The following SHISA9 variants were observed in gnomAD, a reference collection of about 807,000 sequenced individuals.
SHISA9 encodes the protein shisa family member 9.
SHISA9 carries 13 observed loss-of-function variants against 38.0 expected under a neutral mutation model. The ratio of observed to expected loss-of-function variants is 0.34; its 90% CI spans 0.22 to 0.54. The LOEUF is 0.54. SHISA9 is among the 20% of genes least tolerant of loss of function. SHISA9 has a pLI of 0.91. For missense variants in SHISA9, 538 were observed against 575.8 expected, an observed-to-expected ratio of 0.93 and a Z score of 0.67; for synonymous variants, 275 against 242.0, an observed-to-expected ratio of 1.14 and a Z score of -1.27.
At chr16:13,508,007 C>T in the SHISA9 span, among the ~76,000 whole-genome samples, 1 of 152,142 alleles carries the variant, frequency 6.6e-6, no homozygotes, top group Non-Finnish European at 1.5e-5. Context: ...TTTCTGGTTC[C>T]CACTTCTCCA....
At chr16:12,959,068 T>C (rs753951605) in intron 2 of SHISA9, among the ~76,000 whole-genome samples, 12 of 152,200 alleles carry the variant, frequency 7.9e-5, no homozygotes, top group Non-Finnish European at 1.8e-4. Flanking sequence ...AATCTTATAT[T>C]GCAATGGGAA....
intron 2 of SHISA9, among the ~76,000 whole-genome samples, chr16:13,197,217 C>T (rs925741787): frequency 1.8e-4 from 28 of 151,836 alleles, no homozygotes; most frequent in South Asian, 2.1e-4. Context: ...GTCTGGAACA[C>T]GGTGTGTGCT....
the SHISA9 span, among the ~76,000 whole-genome samples, chr16:13,285,987 A>T: frequency 6.6e-6 from 1 of 152,202 alleles, no homozygotes; most frequent in East Asian, 1.9e-4. Flanking sequence ...TAAAGGGAAA[A>T]GTCAAGCTGG....
At chr16:13,379,118 C>G in the SHISA9 span, among the ~76,000 whole-genome samples, 1 of 152,150 alleles carries the variant, frequency 6.6e-6, no homozygotes. Flanking sequence ...TCTCCCACTT[C>G]CCAGCTGGAA....
At chr16:13,292,231 A>G in the SHISA9 span, among the ~76,000 whole-genome samples, 1 of 152,120 alleles carries the variant, frequency 6.6e-6, no homozygotes, top group Non-Finnish European at 1.5e-5. Flanking sequence ...GTCGATTACA[A>G]TTCAAACTAC....
the SHISA9 span, among the ~76,000 whole-genome samples, chr16:13,363,327 G>A: frequency 6.6e-6 from 1 of 152,222 alleles, no homozygotes; most frequent in African/African-American, 2.4e-5. Context: ...GAAGAACTAA[G>A]TCTCCTTCGT....
At chr16:13,515,942 A>G in the SHISA9 span, among the ~76,000 whole-genome samples, 2 of 152,208 alleles carry the variant, frequency 1.3e-5, no homozygotes, top group African/African-American at 4.8e-5. Flanking sequence ...TAAAAACTCT[A>G]TGAGAAGAGA....
At chr16:13,447,435 C>CCATCT in the SHISA9 span, among the ~76,000 whole-genome samples, 1 of 152,160 alleles carries the variant, frequency 6.6e-6, no homozygotes, top group East Asian at 1.9e-4. Context: ...ACATGTTGGC[C>CCATCT]CATCTCTGGC....
At chr16:12,949,135 GT>G (rs1264929257) in intron 2 of SHISA9, among the ~76,000 whole-genome samples, 1 of 152,192 alleles carries the variant, frequency 6.6e-6, no homozygotes, top group African/African-American at 2.4e-5. Flanking sequence ...TATTAAGAAA[GT>G]TCCCTAGGAG....
the SHISA9 span, among the ~76,000 whole-genome samples, chr16:13,397,700 C>T: frequency 0.24 from 36,510 of 152,044 alleles, 5,367 homozygotes; most frequent in African/African-American, 0.41. Context: ...TCCCAAAGTG[C>T]TGGGATTACA....
chr16:13,525,723 T>G, the SHISA9 span, among the ~76,000 whole-genome samples: 1 of 152,266 alleles, frequency 6.6e-6, no homozygotes, highest in African/African-American at 2.4e-5. Flanking sequence ...TAATTATGTT[T>G]TCCCTAATAT....
intron 3 of SHISA9, among the ~76,000 whole-genome samples, chr16:13,207,128 G>T (rs918817790): frequency 6.6e-5 from 10 of 152,200 alleles, no homozygotes; most frequent in Admixed American, 6.5e-4. Flanking sequence ...GCTGGGCATG[G>T]TGGCAGGCAC....
At chr16:13,501,358 C>T in the SHISA9 span, among the ~76,000 whole-genome samples, 1 of 151,918 alleles carries the variant, frequency 6.6e-6, no homozygotes, top group Admixed American at 6.6e-5. Context: ...CTACAAAAGT[C>T]ATTTAGGAAA....
chr16:13,354,495 A>C, the SHISA9 span, among the ~76,000 whole-genome samples: 140 of 151,494 alleles, frequency 9.2e-4, no homozygotes, highest in Middle Eastern at 3.4e-3. Context: ...GAGACTCAAC[A>C]AAGAGTGAGT....
the SHISA9 span, among the ~76,000 whole-genome samples, chr16:13,438,478 T>G: frequency 1.3e-5 from 2 of 152,162 alleles, no homozygotes; most frequent in East Asian, 3.9e-4. Flanking sequence ...AAATCTTAAA[T>G]AATCATTTTA....
chr16:13,222,550 A>C (rs375661681), intron 4 of SHISA9, among the ~76,000 whole-genome samples: 1 of 152,146 alleles, frequency 6.6e-6, no homozygotes. Flanking sequence ...TATCAGTCTC[A>C]TGGCCAAATG....
rs573897773 is a variant in SHISA9, at chr16:12,935,090, C to T, written c.691+18275C>T. Among the ~76,000 whole-genome samples, 4 of 152,300 alleles carry T rather than the reference C, an allele frequency of 2.6e-5. No homozygotes were observed. In the East Asian group the frequency reaches 5.8e-4, roughly 22 times the overall value. ...GGTCTGATTGGTCCATATTGAGTCA[C>T]ATGCTCACCCCTTGGCTGGGAAGGA... On this transcript the variant is annotated intron_variant, in intron 2 of 4. Transcript: ENST00000558583.
At chr16:13,381,573 G>C in the SHISA9 span, among the ~76,000 whole-genome samples, 2 of 152,316 alleles carry the variant, frequency 1.3e-5, no homozygotes, top group East Asian at 3.9e-4. Flanking sequence ...CTATATTTGA[G>C]ATGTAAATTT....
the SHISA9 span, among the ~76,000 whole-genome samples, chr16:13,300,207 G>T: frequency 6.6e-6 from 1 of 152,048 alleles, no homozygotes; most frequent in African/African-American, 2.4e-5. Flanking sequence ...TCCCCAGTAC[G>T]CCTGTATTTC....
Sources: allele counts gnomAD v4.1 joint callset (sites outside exome capture counted in the v4.1 genomes callset), GRCh38; gene constraint gnomAD v4.1.1; transcripts MANE v1.5; gene names NCBI Gene and HGNC (gene_info 2026-07-23, HGNC 2026-07-21).